The following MCM4 variants were observed in gnomAD, a reference collection of about 807,000 sequenced individuals.
The protein encoded by MCM4 is minichromosome maintenance complex component 4.
MCM4 carries 60 observed loss-of-function variants against 88.7 expected under a neutral mutation model. That is an observed-to-expected ratio of 0.68 (90% CI 0.55 to 0.84). The LOEUF (loss-of-function observed/expected upper bound fraction) is 0.84, where lower values mean the gene tolerates loss of function less well. MCM4 is among the 40% of genes least tolerant of loss of function. The pLI, the probability that MCM4 is intolerant of heterozygous loss-of-function variation, is 0.00. For missense variants in MCM4, 1,149 were observed against 1,105.5 expected, an observed-to-expected ratio of 1.04 and a Z score of -0.56; for synonymous variants, 465 against 410.5, an observed-to-expected ratio of 1.13 and a Z score of -1.61.
chr8:47,970,463 G>A (rs2090942758), intron 11 of MCM4, 48 bp from the exon 12 acceptor site: 1 of 1,544,812 alleles, frequency 6.5e-7, no homozygotes, highest in East Asian at 2.3e-5. Flanking sequence ...CTACATCTCA[G>A]TTAACTGTGC....
chr8:47,972,948 G>T lies in MCM4; in HGVS notation c.2020G>T (p.Glu674Ter). Residue 674 changes from glutamate to a stop codon, truncating the protein, a stop_gained, in exon 14 of 17, where the codon GAG becomes TAG. Coordinates refer to ENST00000649973, the MANE Select transcript of MCM4 (RefSeq NM_182746.3). LOFTEE classifies it high-confidence loss of function. ...HHLVALYYQS[E>*]EQAEEELLDM... ...CCTGGTCGCACTGTACTACCAGAGC[G>T]AGGAGCAGGCAGAGGAGGAGCTCCT... The T allele has an allele frequency of 6.2e-7, 1 of 1,614,184 alleles. No individual in the cohort carries two copies. Among genetic ancestry groups the T allele is most frequent in the South Asian group, 1.1e-5 (1 of 91,084 alleles).
chr8:47,973,262 G>A (rs776053888), intron 14 of MCM4, among the ~76,000 whole-genome samples, 198 bp downstream of exon 14: 5 of 151,650 alleles, frequency 3.3e-5, no homozygotes, highest in Non-Finnish European at 7.4e-5. Flanking sequence ...CCTGTGGCCT[G>A]TGCTTCTGGG....
intron 8 of MCM4, among the ~76,000 whole-genome samples, chr8:47,965,102 ACT>A (rs2090887024): frequency 6.6e-6 from 1 of 151,518 alleles, no homozygotes; most frequent in African/African-American, 2.4e-5. Context: ...AGTCCCGGCT[ACT>A]CTCGGGAGGC....
At chr8:47,971,227 G>C (rs1563834687) in intron 12 of MCM4, 114 bp from the exon 13 acceptor site, 10 of 1,252,396 alleles carry the variant, frequency 8.0e-6, no homozygotes, top group Non-Finnish European at 1.1e-5. Context: ...CATGGCTCAG[G>C]CAATAGAAAC....
chr8:47,975,912 G>A (rs2090996907), intron 16 of MCM4, 64 bp downstream of exon 16: 2 of 1,212,324 alleles, frequency 1.6e-6, no homozygotes, highest in Non-Finnish European at 2.2e-6. Context: ...ATTGCTTTTG[G>A]GTTTTTTTCC....
At chr8:47,971,967 C>CA (rs1452397305) in intron 13 of MCM4, among the ~76,000 whole-genome samples, 3 of 151,712 alleles carry the variant, frequency 2.0e-5, no homozygotes, top group Non-Finnish European at 4.4e-5. Context: ...TACAGTGACT[C>CA]ACACCTGTAA....
rs974678722 is a variant in MCM4, at chr8:47,977,791, ATTCT to A, written c.*1018_*1021del. ...TATTTTTTATTTTTTGAGAGGTATG[ATTCT>A]TTCTAGAGATTTTTTCTCATGGCTA... is the stretch of plus-strand genomic sequence containing the variant. On this transcript the variant is annotated 3_prime_UTR_variant, in exon 17 of 17. Coordinates refer to ENST00000649973, the MANE Select transcript of MCM4 (RefSeq NM_182746.3). 1.3e-5 allele frequency: 2 copies of A among 152,034 alleles called. No individual in the cohort carries two copies. Among genetic ancestry groups the A allele is most frequent in the African/African-American group, 4.8e-5 (2 of 41,398 alleles). The allele number at this position is 152,034 out of a possible 1,614,324, so 9.4% of individuals were successfully genotyped here.
At chr8:47,972,811 C>A in intron 13 of MCM4, 46 bp from the exon 14 acceptor site, 1 of 1,526,518 alleles carries the variant, frequency 6.6e-7, no homozygotes, top group Non-Finnish European at 9.0e-7. Flanking sequence ...CCTGCCTCGG[C>A]CTCACAAGGT....
intron 8 of MCM4, among the ~76,000 whole-genome samples, 171 bp from the exon 9 acceptor site, chr8:47,966,016 A>G (rs1436119129): frequency 6.6e-6 from 1 of 152,170 alleles, no homozygotes; most frequent in Non-Finnish European, 1.5e-5. Context: ...AAGAAGGGCC[A>G]GAGGTTCGCT....
At chr8:47,965,146 C>T (rs1164925427) in intron 8 of MCM4, among the ~76,000 whole-genome samples, 3 of 151,414 alleles carry the variant, frequency 2.0e-5, no homozygotes, top group East Asian at 1.9e-4. Flanking sequence ...ACCCGGGAGG[C>T]GGAGGTTGCA....
At chr8:47,967,322 C>G in intron 9 of MCM4, 43 bp from the exon 10 acceptor site, 2 of 1,611,996 alleles carry the variant, frequency 1.2e-6, no homozygotes, top group South Asian at 1.1e-5. Flanking sequence ...GTCCCCCTGC[C>G]CTCTCTTTGT....
chr8:47,971,702 C>G (rs1352443605), intron 13 of MCM4, among the ~76,000 whole-genome samples: 1 of 152,160 alleles, frequency 6.6e-6, no homozygotes, highest in Non-Finnish European at 1.5e-5. Flanking sequence ...ACTCACTACT[C>G]TTAGTCCTAA....
intron 10 of MCM4, chr8:47,969,524 C>A: frequency 2.3e-6 from 1 of 435,198 alleles, no homozygotes; most frequent in Non-Finnish European, 4.2e-6. Flanking sequence ...TCCCAAAGTG[C>A]TAGGATTACA....
Position 47,971,345 on chromosome 8 carries a change from G to C in MCM4, c.1805G>C (p.Gly602Ala). Residue 602 changes from glycine (G) to alanine (A), a missense_variant, in exon 13 of 17, where the codon GGG becomes GCG. This residue lies in a region of MCM4 where 906 missense variants were observed against 843.0 expected (regional missense o/e 1.07). Coordinates refer to ENST00000649973, the MANE Select transcript of MCM4 (RefSeq NM_182746.3). Reference protein sequence around the residue: ...EQQTLSIAKAGIICQLNARTS... With the variant: ...EQQTLSIAKAAIICQLNARTS... ...CTGCACTCTTTGCTCTGATAGGCTG[G>C]GATCATCTGTCAGCTCAATGCGCGC... 1.2e-6 allele frequency: 2 copies of C among 1,614,054 alleles called. No individual in the cohort carries two copies. Among genetic ancestry groups the C allele is most frequent in the Non-Finnish European group, 8.5e-7 (1 of 1,180,012 alleles).
intron 8 of MCM4, among the ~76,000 whole-genome samples, chr8:47,965,208 C>T (rs1051254970): frequency 6.7e-6 from 1 of 149,854 alleles, no homozygotes; most frequent in Non-Finnish European, 1.5e-5. Context: ...GAATGAGACC[C>T]TGTCTCAAAA....
In MCM4 at chr8:47,977,138, C is replaced by G. The variant is rs768121435; in HGVS notation, c.*360C>G. On this transcript the variant is annotated 3_prime_UTR_variant, in exon 17 of 17. Transcript: ENST00000649973. Reference sequence around the variant, plus strand: ...AAAATTAGCTGGGCTTGATGGCATGCGCCTGTAATCCCAGCTACTCGGGAG... The same window carrying G: ...AAAATTAGCTGGGCTTGATGGCATGGGCCTGTAATCCCAGCTACTCGGGAG... The G allele has an allele frequency of 8.6e-5, 14 of 162,084 alleles. No homozygotes were observed. In the South Asian group the frequency reaches 1.3e-3, roughly 15 times the overall value. The allele number at this position is 162,084 out of a possible 1,614,324, so 10.0% of individuals were successfully genotyped here.
chr8:47,976,467 G>A, intron 16 of MCM4, among the ~76,000 whole-genome samples: 1 of 152,116 alleles, frequency 6.6e-6, no homozygotes, highest in Middle Eastern at 3.2e-3. Flanking sequence ...GTGACTGAGA[G>A]GGCAGAGTTG....
At position 47,976,850 on chromosome 8, in the gene MCM4, A is replaced by G; in HGVS notation, c.*72A>G. On this transcript the variant is annotated 3_prime_UTR_variant, in exon 17 of 17. Transcript: ENST00000649973. ...GCCACATGGGTGTGGTCTGCATCTC[A>G]GTTGGCCGCCATCAGTGTAAATAGA... 1 of 968,976 alleles carries G rather than the reference A, an allele frequency of 1.0e-6. No homozygotes were observed. The highest frequency in any genetic ancestry group is 1.3e-5 in the South Asian group (1 of 76,512). The allele number at this position is 968,976 out of a possible 1,614,324, so 60.0% of individuals were successfully genotyped here. A position where few individuals can be genotyped will look rare whatever the true frequency, so the allele number is the denominator to read the frequency against.
chr8:47,975,321 C>A, intron 15 of MCM4: 1 of 126,046 alleles, frequency 7.9e-6, no homozygotes. Context: ...AAATGCTATC[C>A]CTCCCCCCTC....
Sources: allele counts gnomAD v4.1 joint callset (sites outside exome capture counted in the v4.1 genomes callset), GRCh38; gene constraint gnomAD v4.1.1; regional missense constraint gnomAD v4.1.1; transcripts MANE v1.5; gene names NCBI Gene and HGNC (gene_info 2026-07-23, HGNC 2026-07-21).